LPIN1: variants seen among roughly 807,000 people sequenced by gnomAD.
LPIN1 encodes the protein lipin 1.
In LPIN1, 71 loss-of-function variants were observed where a neutral mutation model predicts 107.5. The observed-to-expected ratio is 0.66, with a 90% CI of 0.55 to 0.80. The LOEUF (loss-of-function observed/expected upper bound fraction) is 0.80. Among genes scored for constraint, LPIN1 ranks in the 30% least tolerant of loss-of-function variants. LPIN1 has a pLI of 0.00. For synonymous variants in LPIN1, 445 were observed against 452.6 expected (o/e 0.98, Z 0.21); for missense variants, 1,043 against 1,160.6 (o/e 0.90, Z 1.47).
chr2:11,788,808 G>C (rs1675130884), intron 12 of LPIN1, among the ~76,000 whole-genome samples: 1 of 152,218 alleles, frequency 6.6e-6, no homozygotes, highest in Non-Finnish European at 1.5e-5. Flanking sequence ...GAAAGGTGGA[G>C]CAGGCATCAG....
chr2:11,726,876 G>C (rs1042224409), intron 1 of LPIN1, among the ~76,000 whole-genome samples: 3 of 152,154 alleles, frequency 2.0e-5, no homozygotes, highest in African/African-American at 7.2e-5. Context: ...AAGCGTGCTT[G>C]TCAGTCATCT....
rs79025286 is a variant in LPIN1, at chr2:11,805,369, A to C, written c.2249+213A>C. The C allele has an allele frequency of 0.032, 20,444 of 637,456 alleles. 446 individuals carry two copies. Among genetic ancestry groups the C allele is most frequent in the Non-Finnish European group, 0.044 (15,678 of 352,706 alleles). 39.5% of individuals were successfully genotyped at this position (637,456 alleles called of 1,614,324 possible). On this transcript the variant is annotated intron_variant, in intron 17 of 20. Transcript: ENST00000674199. ...AATTTGAATTCAATACCAAGAAACA[A>C]GGGGCGAAGTATAGGGGAATTGATT... is the stretch of plus-strand genomic sequence containing the variant.
upstream of LPIN1, among the ~76,000 whole-genome samples, chr2:11,721,023 A>G (rs1664094353): frequency 6.6e-6 from 1 of 152,028 alleles, no homozygotes; most frequent in African/African-American, 2.4e-5. Context: ...CTGATTCCTT[A>G]TCTAGACTGT....
At chr2:11,713,447 T>C (rs1663531099) in intron 1 of LPIN1, among the ~76,000 whole-genome samples, 1 of 152,196 alleles carries the variant, frequency 6.6e-6, no homozygotes, top group Admixed American at 6.5e-5. Flanking sequence ...ATTTTTGTAT[T>C]TTTAGTAGAG....
intron 1 of LPIN1, among the ~76,000 whole-genome samples, chr2:11,702,843 C>G (rs529001592): frequency 6.6e-6 from 1 of 152,276 alleles, no homozygotes; most frequent in Admixed American, 6.5e-5. Context: ...GTTTGCCAAT[C>G]ATTTTTATTG....
chr2:11,686,993 C>CTTTTTTTT (rs141927239), intron 1 of LPIN1, among the ~76,000 whole-genome samples: 4 of 85,142 alleles, frequency 4.7e-5, no homozygotes, highest in Admixed American at 1.6e-4. Context: ...GCTTTTGATC[C>CTTTTTTTT]TTTTTTTTTT....
intron 1 of LPIN1, among the ~76,000 whole-genome samples, chr2:11,710,667 T>C (rs998251959): frequency 3.3e-5 from 5 of 152,376 alleles, no homozygotes; most frequent in Admixed American, 1.3e-4. Context: ...AGTATTTTAT[T>C]GTTAGCCTTT....
chr2:11,797,705 C>T (rs1312524993), intron 14 of LPIN1, among the ~76,000 whole-genome samples: 1 of 152,212 alleles, frequency 6.6e-6, no homozygotes, highest in Non-Finnish European at 1.5e-5. Context: ...TAGGAAGCAA[C>T]TCACTTGCTT....
At chr2:11,814,988 C>A in intron 17 of LPIN1, 100 bp from the exon 18 acceptor site, 7 of 1,134,394 alleles carry the variant, frequency 6.2e-6, no homozygotes, top group Non-Finnish European at 9.2e-6. Context: ...GAACTTGAAA[C>A]AGTGCCATTC....
chr2:11,748,953 G>A (rs530267995), intron 1 of LPIN1, among the ~76,000 whole-genome samples: 13 of 152,252 alleles, frequency 8.5e-5, no homozygotes, highest in Admixed American at 7.2e-4. Flanking sequence ...CTGGTAGCCC[G>A]GGCGTGGGAT....
At chr2:11,748,310 A>T (rs561616980) in intron 1 of LPIN1, among the ~76,000 whole-genome samples, 1 of 152,330 alleles carries the variant, frequency 6.6e-6, no homozygotes, top group African/African-American at 2.4e-5. Context: ...TTTCAGAAGA[A>T]GGTCCTGAGG....
intron 13 of LPIN1, chr2:11,792,214 C>T (rs1675881826): frequency 1.9e-6 from 1 of 532,896 alleles, no homozygotes; most frequent in South Asian, 1.9e-5. Context: ...ATAGGTGTCA[C>T]CTCCTGGCTC....
chr2:11,813,584 C>T (rs1048091172), intron 17 of LPIN1, among the ~76,000 whole-genome samples: 2 of 151,986 alleles, frequency 1.3e-5, no homozygotes, highest in Non-Finnish European at 2.9e-5. Context: ...ACTTAGAGCA[C>T]ATTTCATTCT....
chr2:11,789,245 C>A (rs1446259103), intron 12 of LPIN1, among the ~76,000 whole-genome samples: 3 of 152,198 alleles, frequency 2.0e-5, no homozygotes, highest in Non-Finnish European at 2.9e-5. Context: ...TTTGTTGAGT[C>A]TAGGCTTGCT....
chr2:11,705,225 C>T (rs116203369), intron 1 of LPIN1, among the ~76,000 whole-genome samples: 2,437 of 152,300 alleles, frequency 0.016, 23 homozygotes, highest in South Asian at 0.033. Context: ...CACCCATCCC[C>T]CAACACTTTA....
chr2:11,761,076 T>G (rs540667782), intron 1 of LPIN1, among the ~76,000 whole-genome samples: 1 of 152,350 alleles, frequency 6.6e-6, no homozygotes, highest in African/African-American at 2.4e-5. Flanking sequence ...TCTGAAAGGC[T>G]GCATTCCTAC....
At chr2:11,778,711 A>G (rs1673066492) in intron 6 of LPIN1, among the ~76,000 whole-genome samples, 1 of 152,252 alleles carries the variant, frequency 6.6e-6, no homozygotes, top group Non-Finnish European at 1.5e-5. Context: ...GCGGCAATAA[A>G]TAATTACAAG....
chr2:11,824,936 C>A lies in LPIN1; in HGVS notation c.*145C>A, dbSNP rs1033760777. The A allele has an allele frequency of 5.4e-6, 5 of 918,794 alleles. No individual in the cohort carries two copies. The Admixed American group carries it at 6.7e-5, about 12-fold the overall frequency. 56.9% of individuals were successfully genotyped at this position (918,794 alleles called of 1,614,324 possible). ...GCAGAGAGAATTGAGAAGCATTTCT[C>A]CCCTGCCCCACCCCGGGGCTGACAT... On this transcript the variant is annotated 3_prime_UTR_variant, in exon 21 of 21. Transcript: ENST00000674199.
chr2:11,733,516 CA>C (rs545262242), intron 1 of LPIN1, among the ~76,000 whole-genome samples: 2 of 143,274 alleles, frequency 1.4e-5, no homozygotes, highest in Non-Finnish European at 3.0e-5. Flanking sequence ...TTTTTTTTGA[CA>C]AAGTCTTGGT....
Sources: gnomAD v4.1 joint callset for allele counts (sites outside exome capture counted in the v4.1 genomes callset) on GRCh38, gnomAD v4.1.1 for gene constraint, MANE v1.5 for transcripts, NCBI Gene and HGNC (gene_info 2026-07-23, HGNC 2026-07-21) for gene names.